Variants in SPON1 observed in about 807,000 individuals in gnomAD.
SPON1 encodes the protein spondin-1.
A neutral mutation model predicts 111.7 loss-of-function variants in SPON1; 52 were observed. The ratio of observed to expected loss-of-function variants is 0.47; its 90% confidence interval spans 0.37 to 0.59. SPON1 has a LOEUF of 0.59. Ranked by LOEUF, SPON1 falls within the 20% of genes least tolerant of loss-of-function variation. The pLI is 0.00. For synonymous variants in SPON1, 410 were observed against 395.8 expected (o/e 1.04, Z -0.43); for missense variants, 957 against 1,068.5 (o/e 0.90, Z 1.46).
intron 7 of SPON1, among the ~76,000 whole-genome samples, chr11:14,249,523 TG>T (rs1328119946): frequency 6.6e-6 from 1 of 152,212 alleles, no homozygotes; most frequent in East Asian, 1.9e-4. Context: ...GTGAATGGCT[TG>T]GGCGCCCTCT....
chr11:14,144,708 T>C (rs1847698952), intron 6 of SPON1, among the ~76,000 whole-genome samples: 1 of 151,582 alleles, frequency 6.6e-6, no homozygotes, highest in South Asian at 2.1e-4. Flanking sequence ...AGACTTTGAG[T>C]AAATTTGATT....
rs534810541 is a variant in SPON1, at chr11:14,091,599, G to A, written c.676+11578G>A. On this transcript the variant is annotated intron_variant, in intron 5 of 15. Transcript: ENST00000576479. Reference sequence around the variant, plus strand: ...CTAAGTCCCTCATTGCCCGGGGCCAGCAGGGCTGGCCGCCTGCTCCGAGTG... The same window carrying A: ...CTAAGTCCCTCATTGCCCGGGGCCAACAGGGCTGGCCGCCTGCTCCGAGTG... Among the ~76,000 whole-genome samples, 5 of 152,310 alleles carry A rather than the reference G, an allele frequency of 3.3e-5. No individual in the cohort carries two copies. In the South Asian group the frequency reaches 1.0e-3, roughly 32 times the overall value.
chr11:14,143,870 C>T (rs781831441), intron 6 of SPON1, among the ~76,000 whole-genome samples: 4 of 152,142 alleles, frequency 2.6e-5, no homozygotes, highest in African/African-American at 4.8e-5. Context: ...TAGGCCTAAA[C>T]ACAAGGATAT....
chr11:14,231,349 G>A (rs782132733), intron 6 of SPON1, among the ~76,000 whole-genome samples: 5 of 151,446 alleles, frequency 3.3e-5, no homozygotes, highest in Non-Finnish European at 7.4e-5. Context: ...TAGCCAGGAT[G>A]GTCTCGATCT....
chr11:14,124,546 G>A (rs1340148662), intron 5 of SPON1, among the ~76,000 whole-genome samples: 3 of 152,136 alleles, frequency 2.0e-5, no homozygotes, highest in African/African-American at 4.8e-5. Flanking sequence ...CTCTAAGACC[G>A]GGATCAAGTC....
rs138910237 is a variant in SPON1, at chr11:13,974,490, G to A, written c.239-8357G>A. 3.6e-4 allele frequency among the ~76,000 whole-genome samples: 55 copies of A among 152,280 alleles called. 1 individual carries two copies. Among genetic ancestry groups the A allele is most frequent in the Middle Eastern group, 3.4e-3 (1 of 292 alleles). ...TGAATTTGGGTAATAGTTTATTAGA[G>A]TTTTTGTTAGAAGGTTGACACACCA... On this transcript the variant is annotated intron_variant, in intron 1 of 15. Coordinates refer to ENST00000576479, the MANE Select transcript of SPON1 (RefSeq NM_006108.4).
At chr11:14,092,102 G>A (rs1388818116) in intron 5 of SPON1, among the ~76,000 whole-genome samples, 1 of 152,226 alleles carries the variant, frequency 6.6e-6, no homozygotes, top group Non-Finnish European at 1.5e-5. Context: ...GCTGTGAGCT[G>A]CAGACCAGAG....
At chr11:13,994,985 A>C (rs138064101) in intron 2 of SPON1, among the ~76,000 whole-genome samples, 170 of 152,288 alleles carry the variant, frequency 1.1e-3, no homozygotes, top group African/African-American at 3.9e-3. Flanking sequence ...TCTTTCATTC[A>C]TTTGTTCATT....
At chr11:14,122,530 A>AT (rs782442340) in intron 5 of SPON1, among the ~76,000 whole-genome samples, 4 of 152,118 alleles carry the variant, frequency 2.6e-5, no homozygotes, top group Non-Finnish European at 5.9e-5. Flanking sequence ...TGGAACTCCA[A>AT]TTACCACTAT....
At chr11:14,055,907 G>C (rs1554919144) in intron 3 of SPON1, among the ~76,000 whole-genome samples, 3 of 152,176 alleles carry the variant, frequency 2.0e-5, no homozygotes, top group African/African-American at 7.2e-5. Flanking sequence ...TCTCACACAA[G>C]GTGGGCACCA....
chr11:14,045,827 G>A (rs16913550), intron 3 of SPON1, among the ~76,000 whole-genome samples: 3 of 151,712 alleles, frequency 2.0e-5, no homozygotes, highest in Admixed American at 1.3e-4. Context: ...CTTTGCTTGT[G>A]GGTGTCTAAT....
chr11:14,246,372 C>A (rs1018844253), intron 7 of SPON1, among the ~76,000 whole-genome samples: 4 of 152,220 alleles, frequency 2.6e-5, no homozygotes, highest in Admixed American at 6.5e-5. Context: ...TACCAATGAC[C>A]AAACTGAGAC....
intron 3 of SPON1, among the ~76,000 whole-genome samples, chr11:14,050,651 G>A (rs1848700991): frequency 6.6e-6 from 1 of 152,120 alleles, no homozygotes; most frequent in South Asian, 2.1e-4. Flanking sequence ...AATGATCCCA[G>A]GGATCAAGAG....
intron 7 of SPON1, among the ~76,000 whole-genome samples, chr11:14,252,210 G>C (rs994669741): frequency 6.6e-6 from 1 of 152,288 alleles, no homozygotes; most frequent in Non-Finnish European, 1.5e-5. Context: ...AAGCTGGGGA[G>C]AGGGAACAGT....
At chr11:13,999,002 G>A (rs558138582) in intron 2 of SPON1, among the ~76,000 whole-genome samples, 89 of 152,232 alleles carry the variant, frequency 5.8e-4, no homozygotes, top group African/African-American at 1.4e-3. Context: ...TGAGAGTGAT[G>A]AGCCTCCATT....
intron 6 of SPON1, among the ~76,000 whole-genome samples, chr11:14,231,476 A>G (rs1848802236): frequency 6.6e-6 from 1 of 152,110 alleles, no homozygotes; most frequent in South Asian, 2.1e-4. Context: ...CATGGTTTGA[A>G]AATCAAAAGA....
At chr11:13,989,606 G>A (rs1387906522) in intron 2 of SPON1, among the ~76,000 whole-genome samples, 1 of 151,850 alleles carries the variant, frequency 6.6e-6, no homozygotes, top group Non-Finnish European at 1.5e-5. Context: ...TTTGTTTGCT[G>A]TTGCTTCTCT....
chr11:14,262,470 T>TGAGTCATAGAGGGAGCATAGAATGGG, intron 14 of SPON1: 1 of 569,180 alleles, frequency 1.8e-6, no homozygotes, highest in Non-Finnish European at 3.1e-6. Flanking sequence ...AAAGCCTTCT[T>TGAGTCATAGAGGGAGCATAGAATGGG]GAGTCATAGA....
At chr11:14,250,653 A>T (rs1228188255) in intron 7 of SPON1, among the ~76,000 whole-genome samples, 10 of 152,186 alleles carry the variant, frequency 6.6e-5, no homozygotes, top group African/African-American at 1.9e-4. Context: ...ATACAAATCT[A>T]AGTCCCAGGT....
Sources: allele counts gnomAD v4.1 joint callset (sites outside exome capture counted in the v4.1 genomes callset), GRCh38; gene constraint gnomAD v4.1.1; transcripts MANE v1.5; gene names NCBI Gene and HGNC (gene_info 2026-07-23, HGNC 2026-07-21).